GLI3: variants seen among roughly 807,000 people sequenced by gnomAD.
GLI3 encodes GLI family zinc finger 3.
GLI3 carries 20 observed loss-of-function variants against 100.8 expected under a neutral mutation model. The ratio of observed to expected loss-of-function variants is 0.20; its 90% CI spans 0.14 to 0.29. GLI3 has a LOEUF of 0.29. Ranked by LOEUF, GLI3 falls within the 10% of genes least tolerant of loss-of-function variation. The pLI is 1.00. For missense variants in GLI3, 2,040 were observed against 2,128.5 expected (o/e 0.96, Z 0.82); for synonymous variants, 938 against 860.5 (o/e 1.09, Z -1.58).
chr7:41,988,963 A>AT (rs1461895055), intron 10 of GLI3, among the ~76,000 whole-genome samples: 2 of 152,144 alleles, frequency 1.3e-5, no homozygotes, highest in Non-Finnish European at 2.9e-5. Flanking sequence ...TCCTATTGTG[A>AT]TTTTACATGG....
chr7:42,020,117 G>C (rs1028789440), intron 10 of GLI3, among the ~76,000 whole-genome samples: 1 of 152,138 alleles, frequency 6.6e-6, no homozygotes, highest in African/African-American at 2.4e-5. Context: ...AAGGAAAGGC[G>C]AATGTTTAGC....
chr7:42,179,092 G>T (rs1051871996), intron 2 of GLI3, among the ~76,000 whole-genome samples: 1 of 152,046 alleles, frequency 6.6e-6, no homozygotes, highest in Non-Finnish European at 1.5e-5. Context: ...AGAGGGAATT[G>T]AATCATGGGG....
chr7:42,020,019 A>G (rs1262854482), intron 10 of GLI3, among the ~76,000 whole-genome samples: 1 of 152,234 alleles, frequency 6.6e-6, no homozygotes, highest in Non-Finnish European at 1.5e-5. Context: ...GAAATTAATT[A>G]AACATCCCTG....
chr7:41,977,786 G>T lies in GLI3; in HGVS notation c.1648-64C>A, dbSNP rs1481918285. ...GGCAACAGCAGCTTATGCCTAACAC[G>T]CCCTCCAAGTTGATGAAAAACTGAT... On this transcript the variant is annotated intron_variant, in intron 11 of 14. Transcript: ENST00000395925. 4 of 1,416,044 alleles carry T rather than the reference G, an allele frequency of 2.8e-6. No individual in the cohort carries two copies. The Middle Eastern group carries it at 5.2e-4, about 185-fold the overall frequency. 87.7% of individuals were successfully genotyped at this position (1,416,044 alleles called of 1,614,324 possible).
intron 1 of GLI3, among the ~76,000 whole-genome samples, chr7:42,228,320 A>G (rs909467370): frequency 2.6e-5 from 4 of 151,940 alleles, no homozygotes; most frequent in African/African-American, 9.7e-5. Context: ...CGCATTTCTG[A>G]AGCTGGCTTT....
chr7:42,158,081 A>G (rs1456656158), intron 2 of GLI3, among the ~76,000 whole-genome samples: 1 of 152,216 alleles, frequency 6.6e-6, no homozygotes. Context: ...AATGTCAAAA[A>G]TACCCTAAGG....
chr7:42,182,636 ATG>A (rs202080985), intron 2 of GLI3, among the ~76,000 whole-genome samples: 1 of 82,688 alleles, frequency 1.2e-5, no homozygotes, highest in African/African-American at 5.1e-5. Flanking sequence ...GCATATGTAT[ATG>A]TGTGTGTATA....
At chr7:42,057,514 T>C (rs1000955994) in intron 4 of GLI3, among the ~76,000 whole-genome samples, 1 of 152,258 alleles carries the variant, frequency 6.6e-6, no homozygotes, top group African/African-American at 2.4e-5. Context: ...ATGTGCCACA[T>C]GTACTCAAAG....
intron 3 of GLI3, among the ~76,000 whole-genome samples, chr7:42,125,740 T>C (rs1786110139): frequency 6.6e-6 from 1 of 152,178 alleles, no homozygotes; most frequent in Non-Finnish European, 1.5e-5. Flanking sequence ...TACAGAGCTG[T>C]CCTCAGGAGA....
chr7:42,027,174 A>G (rs1789142600), intron 7 of GLI3, among the ~76,000 whole-genome samples: 1 of 152,236 alleles, frequency 6.6e-6, no homozygotes, highest in Non-Finnish European at 1.5e-5. Context: ...GTCCTGAGGA[A>G]GCAGTGATAA....
chr7:42,024,281 T>C (rs1252335141), intron 9 of GLI3, among the ~76,000 whole-genome samples: 1 of 152,228 alleles, frequency 6.6e-6, no homozygotes, highest in African/African-American at 2.4e-5. Context: ...TTCACAGCAA[T>C]GCCAATACAA....
chr7:42,030,965 C>T (rs921070016), intron 7 of GLI3, among the ~76,000 whole-genome samples: 2 of 151,878 alleles, frequency 1.3e-5, no homozygotes, highest in African/African-American at 2.4e-5. Context: ...GTGATCCGGC[C>T]GCCTCGGCCT....
intron 3 of GLI3, among the ~76,000 whole-genome samples, chr7:42,104,825 G>A (rs1785540532): frequency 6.6e-6 from 1 of 152,170 alleles, no homozygotes; most frequent in African/African-American, 2.4e-5. Context: ...TCCACCACGT[G>A]AGGACACAGT....
At chr7:42,066,128 C>T (rs1184230844) in intron 4 of GLI3, among the ~76,000 whole-genome samples, 1 of 152,064 alleles carries the variant, frequency 6.6e-6, no homozygotes, top group African/African-American at 2.4e-5. Flanking sequence ...GCCAGGGAAC[C>T]TCATGGGAAG....
intron 2 of GLI3, among the ~76,000 whole-genome samples, chr7:42,181,885 TC>T (rs1295447794): frequency 6.6e-6 from 1 of 152,204 alleles, no homozygotes; most frequent in African/African-American, 2.4e-5. Flanking sequence ...TACCGAACTT[TC>T]CAGGAACTAG....
intron 3 of GLI3, among the ~76,000 whole-genome samples, chr7:42,122,902 A>G (rs1786036764): frequency 6.6e-6 from 1 of 152,216 alleles, no homozygotes; most frequent in African/African-American, 2.4e-5. Context: ...AGAACACGCA[A>G]GAGTGTCTTT....
intron 2 of GLI3, among the ~76,000 whole-genome samples, chr7:42,203,948 G>C (rs573762196): frequency 6.6e-6 from 1 of 152,038 alleles, no homozygotes; most frequent in Non-Finnish European, 1.5e-5. Context: ...GCAATGAGCC[G>C]AGATCGTGCC....
chr7:42,063,748 A>G (rs1784619327), intron 4 of GLI3, among the ~76,000 whole-genome samples: 1 of 152,198 alleles, frequency 6.6e-6, no homozygotes, highest in East Asian at 1.9e-4. Flanking sequence ...TAAGTGCTAT[A>G]TATATGCTCC....
intron 2 of GLI3, chr7:42,151,148 A>G (rs1203847041): frequency 6.6e-6 from 1 of 152,186 alleles, no homozygotes; most frequent in African/African-American, 2.4e-5. Flanking sequence ...TGCTTTTACA[A>G]TAGTCAGTGC....
Sources: allele counts gnomAD v4.1 joint callset (sites outside exome capture counted in the v4.1 genomes callset), GRCh38; gene constraint gnomAD v4.1.1; transcripts MANE v1.5; gene names NCBI Gene and HGNC (gene_info 2026-07-23, HGNC 2026-07-21).